The following ARHGEF4 variants were observed in gnomAD, a reference collection of about 807,000 sequenced individuals.
ARHGEF4 encodes Rho guanine nucleotide exchange factor 4, also known as APC-stimulated guanine nucleotide exchange factor 1.
In ARHGEF4, 119 loss-of-function variants were observed where a neutral mutation model predicts 162.0. The ratio of observed to expected loss-of-function variants is 0.73; its 90% confidence interval spans 0.63 to 0.86. The LOEUF (loss-of-function observed/expected upper bound fraction) is 0.86. Ranked by LOEUF, ARHGEF4 falls within the 40% of genes least tolerant of loss-of-function variation. The pLI is 0.00. For synonymous variants in ARHGEF4, 1,014 were observed against 979.9 expected (o/e 1.03, Z -0.65); for missense variants, 2,488 against 2,456.0 (o/e 1.01, Z -0.28).
At chr2:131,029,045 C>A (rs189279661) in intron 5 of ARHGEF4, among the ~76,000 whole-genome samples, 1 of 152,236 alleles carries the variant, frequency 6.6e-6, no homozygotes, top group African/African-American at 2.4e-5. Flanking sequence ...TCCTAGAGGC[C>A]CAGCTCTAGA....
intron 4 of ARHGEF4, among the ~76,000 whole-genome samples, chr2:130,950,690 C>CCT (rs1353187937): frequency 6.7e-6 from 1 of 149,124 alleles, no homozygotes; most frequent in East Asian, 2.1e-4. Flanking sequence ...GCTATTACCC[C>CCT]CCACCACCAC....
At chr2:130,899,023 C>G (rs1254522698) in intron 1 of ARHGEF4, among the ~76,000 whole-genome samples, 2 of 152,124 alleles carry the variant, frequency 1.3e-5, no homozygotes, top group Non-Finnish European at 2.9e-5. Context: ...TGTAGCCCCT[C>G]CAGCTCACAG....
chr2:130,939,062 C>T (rs11895076), intron 3 of ARHGEF4, among the ~76,000 whole-genome samples: 87 of 152,258 alleles, frequency 5.7e-4, no homozygotes, highest in African/African-American at 1.9e-3. Flanking sequence ...TCCTGCCCTC[C>T]ACCCTCAAGT....
At chr2:130,989,628 C>T (rs965770681) in intron 4 of ARHGEF4, among the ~76,000 whole-genome samples, 14 of 152,226 alleles carry the variant, frequency 9.2e-5, no homozygotes, top group Admixed American at 3.9e-4. Context: ...AACATTTTAG[C>T]ATACTGTATT....
chr2:130,954,898 G>T (rs1684176225), intron 4 of ARHGEF4, among the ~76,000 whole-genome samples: 1 of 151,426 alleles, frequency 6.6e-6, no homozygotes, highest in South Asian at 2.1e-4. Flanking sequence ...CTCTCTTTCT[G>T]ATATTCCCAT....
intron 4 of ARHGEF4, among the ~76,000 whole-genome samples, chr2:131,009,296 G>C (rs1337651643): frequency 6.6e-6 from 1 of 152,114 alleles, no homozygotes; most frequent in Non-Finnish European, 1.5e-5. Context: ...CAAAGATGTT[G>C]TTACAGTATC....
chr2:130,979,734 T>A (rs1213194203), intron 4 of ARHGEF4, among the ~76,000 whole-genome samples: 15 of 92,696 alleles, frequency 1.6e-4, no homozygotes, highest in Admixed American at 4.2e-4. Flanking sequence ...AGACTCCATC[T>A]AAAAAAAAAA....
intron 1 of ARHGEF4, among the ~76,000 whole-genome samples, chr2:130,840,841 TC>T (rs1462607607): frequency 2.6e-5 from 4 of 152,194 alleles, no homozygotes; most frequent in African/African-American, 9.7e-5. Flanking sequence ...CAGGTACTTC[TC>T]TGTCCAGGAG....
chr2:130,987,746 C>G (rs1029507798), intron 4 of ARHGEF4, among the ~76,000 whole-genome samples: 2 of 152,194 alleles, frequency 1.3e-5, no homozygotes, highest in African/African-American at 4.8e-5. Flanking sequence ...GCAGTGAGCA[C>G]TGTGAGCTAG....
intron 1 of ARHGEF4, among the ~76,000 whole-genome samples, chr2:130,889,656 CA>C (rs1478903899): frequency 6.6e-6 from 1 of 150,600 alleles, no homozygotes; most frequent in Non-Finnish European, 1.5e-5. Flanking sequence ...ACTAAAAATA[CA>C]AAAAATTAGC....
chr2:131,027,044 A>T (rs577951981), intron 4 of ARHGEF4, among the ~76,000 whole-genome samples: 1 of 152,364 alleles, frequency 6.6e-6, no homozygotes, highest in South Asian at 2.1e-4. Context: ...TGGGGCCGTC[A>T]TGAAAGCAGG....
intron 4 of ARHGEF4, among the ~76,000 whole-genome samples, chr2:130,956,992 T>C (rs1574296779): frequency 6.6e-6 from 1 of 151,872 alleles, no homozygotes; most frequent in African/African-American, 2.4e-5. Context: ...TAAATAAATA[T>C]ATAAATACAT....
chr2:130,933,017 G>A (rs1170127435), intron 3 of ARHGEF4, among the ~76,000 whole-genome samples: 3 of 151,990 alleles, frequency 2.0e-5, no homozygotes, highest in South Asian at 2.1e-4. Flanking sequence ...GAAGTTCGAC[G>A]TCAGCCTGGA....
At chr2:131,001,578 T>A (rs1687771385) in intron 4 of ARHGEF4, among the ~76,000 whole-genome samples, 1 of 152,008 alleles carries the variant, frequency 6.6e-6, no homozygotes, top group Non-Finnish European at 1.5e-5. Flanking sequence ...GGTGAGTAAA[T>A]GTAAATTTAT....
intron 3 of ARHGEF4, among the ~76,000 whole-genome samples, chr2:130,942,146 T>TTTATTC (rs1196481390): frequency 8.4e-6 from 1 of 119,314 alleles, no homozygotes. Context: ...TTTTTTTTTC[T>TTTATTC]TTTTTCTTTT....
intron 1 of ARHGEF4, among the ~76,000 whole-genome samples, chr2:130,855,953 A>T (rs1249451584): frequency 6.6e-6 from 1 of 152,218 alleles, no homozygotes; most frequent in Non-Finnish European, 1.5e-5. Context: ...TCAACAACAA[A>T]ACAAAAAATA....
chr2:130,850,311 A>G (rs79098594), intron 1 of ARHGEF4, among the ~76,000 whole-genome samples: 1,635 of 152,286 alleles, frequency 0.011, 32 homozygotes, highest in African/African-American at 0.038. Flanking sequence ...TACCCCTCAT[A>G]TGGAGAGGTC....
chr2:130,874,452 A>G (rs1678696429), intron 1 of ARHGEF4, among the ~76,000 whole-genome samples: 1 of 152,210 alleles, frequency 6.6e-6, no homozygotes, highest in Non-Finnish European at 1.5e-5. Flanking sequence ...TGGAGGGATC[A>G]TGTCTCTGCA....
In ARHGEF4 at chr2:131,046,201, C is replaced by T; in HGVS notation, c.*12C>T. 1 of 1,601,350 alleles carries T rather than the reference C, an allele frequency of 6.2e-7. No individual in the cohort carries two copies. The highest frequency in any genetic ancestry group is 8.5e-7 in the Non-Finnish European group (1 of 1,171,940). Reference sequence around the variant, plus strand: ...CCTTCCGCAAGTGAACTGGTCCCTGCCTGACAGCACCTGCTGGGCCTTCCT... The same window carrying T: ...CCTTCCGCAAGTGAACTGGTCCCTGTCTGACAGCACCTGCTGGGCCTTCCT... On this transcript the variant is annotated 3_prime_UTR_variant, in exon 14 of 14. Coordinates refer to ENST00000409359, the MANE Select transcript of ARHGEF4 (RefSeq NM_001367493.1).
Sources: gnomAD v4.1 joint callset for allele counts (sites outside exome capture counted in the v4.1 genomes callset) on GRCh38, gnomAD v4.1.1 for gene constraint, MANE v1.5 for transcripts, NCBI Gene and HGNC (gene_info 2026-07-23, HGNC 2026-07-21) for gene names.